GABRB1: variants seen among roughly 807,000 people sequenced by gnomAD.
GABRB1 encodes the protein gamma-aminobutyric acid type A receptor subunit beta1, also known as gamma-aminobutyric acid receptor subunit beta-1.
In GABRB1, 17 loss-of-function variants were observed where a neutral mutation model predicts 51.6. The observed-to-expected ratio is 0.33, with a 90% confidence interval of 0.23 to 0.49. GABRB1 has a LOEUF of 0.49. Among genes scored for constraint, GABRB1 ranks in the 20% least tolerant of loss-of-function variants. The pLI is 0.99. For synonymous variants in GABRB1, 247 were observed against 218.9 expected, an observed-to-expected ratio of 1.13 and a Z score of -1.14; for missense variants, 410 against 600.6, an observed-to-expected ratio of 0.68 and a Z score of 3.32.
At chr4:47,316,442 G>T (rs1392213135) in intron 4 of GABRB1, among the ~76,000 whole-genome samples, 1 of 151,848 alleles carries the variant, frequency 6.6e-6, no homozygotes, top group African/African-American at 2.4e-5. Flanking sequence ...ATATCCCATT[G>T]TCCATATCTA....
At chr4:47,405,593 T>C (rs1254050230) in intron 7 of GABRB1, among the ~76,000 whole-genome samples, 1 of 152,160 alleles carries the variant, frequency 6.6e-6, no homozygotes, top group African/African-American at 2.4e-5. Context: ...GTTTACCCAG[T>C]TATAAAATGA....
At chr4:47,166,237 A>G (rs1242297923) in intron 4 of GABRB1, among the ~76,000 whole-genome samples, 2 of 152,122 alleles carry the variant, frequency 1.3e-5, no homozygotes, top group Non-Finnish European at 2.9e-5. Flanking sequence ...CATGGGATGA[A>G]CTGCGTAAGT....
intron 3 of GABRB1, among the ~76,000 whole-genome samples, chr4:47,152,627 C>T (rs1248288358): frequency 6.6e-6 from 1 of 151,944 alleles, no homozygotes; most frequent in African/African-American, 2.4e-5. Flanking sequence ...ATATTCTGAC[C>T]CATAACTACT....
At chr4:47,208,420 A>G (rs948730290) in intron 4 of GABRB1, among the ~76,000 whole-genome samples, 3 of 152,086 alleles carry the variant, frequency 2.0e-5, no homozygotes, top group African/African-American at 7.2e-5. Context: ...TAATAGTGAT[A>G]GTTGTATAAC....
intron 4 of GABRB1, among the ~76,000 whole-genome samples, chr4:47,297,323 G>C (rs569513298): frequency 7.2e-5 from 9 of 125,194 alleles, no homozygotes; most frequent in Non-Finnish European, 1.5e-4. Context: ...TCCAGGAGCT[G>C]GTTTTTTGAA....
At chr4:47,074,512 A>G (rs1421862589) in intron 3 of GABRB1, among the ~76,000 whole-genome samples, 1 of 152,208 alleles carries the variant, frequency 6.6e-6, no homozygotes, top group Non-Finnish European at 1.5e-5. Context: ...TACCAATATC[A>G]CATTTCTTAC....
intron 5 of GABRB1, among the ~76,000 whole-genome samples, chr4:47,363,019 C>CGTGTGTGTGT (rs72429068): frequency 0.056 from 6,708 of 118,878 alleles, 214 homozygotes; most frequent in South Asian, 0.16. Context: ...AGTGTCTAAG[C>CGTGTGTGTGT]GTGTGTGTGT....
chr4:47,262,084 A>C (rs1335509505), intron 4 of GABRB1, among the ~76,000 whole-genome samples: 19 of 151,816 alleles, frequency 1.3e-4, no homozygotes, highest in Non-Finnish European at 2.4e-4. Context: ...TAAAACCATA[A>C]AAACCCTAGA....
intron 8 of GABRB1, among the ~76,000 whole-genome samples, chr4:47,424,512 T>G (rs886083980): frequency 5.9e-5 from 9 of 152,336 alleles, no homozygotes; most frequent in Admixed American, 5.2e-4. Context: ...TGTTTGTATT[T>G]GCCGCCTATG....
chr4:47,133,075 A>G (rs1258563420), intron 3 of GABRB1, among the ~76,000 whole-genome samples: 2 of 152,190 alleles, frequency 1.3e-5, no homozygotes, highest in Non-Finnish European at 2.9e-5. Context: ...TATACAGCAT[A>G]TTATGTTTTT....
chr4:47,240,150 T>G (rs1054128370), intron 4 of GABRB1, among the ~76,000 whole-genome samples: 1 of 152,184 alleles, frequency 6.6e-6, no homozygotes, highest in African/African-American at 2.4e-5. Flanking sequence ...ATTTATTATT[T>G]GGGATGACTT....
chr4:47,311,411 C>CAA (rs71276540), intron 4 of GABRB1, among the ~76,000 whole-genome samples: 165 of 45,288 alleles, frequency 3.6e-3, no homozygotes, highest in Non-Finnish European at 5.1e-3. Context: ...GACTCTGTCT[C>CAA]AAAAAAAAAA....
At chr4:47,064,401 G>A (rs1726973483) in intron 3 of GABRB1, among the ~76,000 whole-genome samples, 1 of 152,136 alleles carries the variant, frequency 6.6e-6, no homozygotes, top group South Asian at 2.1e-4. Flanking sequence ...TTGGGATGCT[G>A]AGGCCGATGG....
intron 3 of GABRB1, among the ~76,000 whole-genome samples, chr4:47,145,240 T>A (rs774802950): frequency 9.9e-5 from 15 of 151,912 alleles, no homozygotes; most frequent in Non-Finnish European, 1.9e-4. Flanking sequence ...CAAAGAAGAG[T>A]CTGGACTTCC....
intron 4 of GABRB1, among the ~76,000 whole-genome samples, chr4:47,199,882 A>C (rs1719832774): frequency 6.6e-6 from 1 of 152,178 alleles, no homozygotes; most frequent in Non-Finnish European, 1.5e-5. Flanking sequence ...AGTCAATATA[A>C]TCAAGCCCAT....
At chr4:47,280,569 T>C (rs988057751) in intron 4 of GABRB1, among the ~76,000 whole-genome samples, 4 of 151,422 alleles carry the variant, frequency 2.6e-5, no homozygotes, top group Admixed American at 2.6e-4. Context: ...ATAAGGTAGG[T>C]GCAATTTTGA....
chr4:47,306,841 G>T (rs1212092480), intron 4 of GABRB1, among the ~76,000 whole-genome samples: 1 of 152,114 alleles, frequency 6.6e-6, no homozygotes, highest in African/African-American at 2.4e-5. Flanking sequence ...AAGTAATCCA[G>T]TGTATATGCA....
intron 7 of GABRB1, among the ~76,000 whole-genome samples, chr4:47,404,205 C>T (rs1340039539): frequency 6.6e-6 from 1 of 152,078 alleles, no homozygotes; most frequent in Non-Finnish European, 1.5e-5. Flanking sequence ...GTTTATTACA[C>T]TTGAATAAGG....
At chr4:47,167,609 C>T (rs971630184) in intron 4 of GABRB1, among the ~76,000 whole-genome samples, 2 of 152,040 alleles carry the variant, frequency 1.3e-5, no homozygotes, top group Non-Finnish European at 2.9e-5. Flanking sequence ...TTGTTTCCTC[C>T]AAAACTCATA....
Sources: allele counts gnomAD v4.1 joint callset (sites outside exome capture counted in the v4.1 genomes callset), GRCh38; gene constraint gnomAD v4.1.1; transcripts MANE v1.5; gene names NCBI Gene and HGNC (gene_info 2026-07-23, HGNC 2026-07-21).